Variants in DCAF5 observed in about 807,000 individuals in gnomAD.
DCAF5 encodes the protein DDB1- and CUL4-associated factor 5.
In DCAF5, 9 loss-of-function variants were observed where a neutral mutation model predicts 80.7. That is an observed-to-expected ratio of 0.11 (90% CI 0.07 to 0.19). The LOEUF (loss-of-function observed/expected upper bound fraction) is 0.19, where lower values mean the gene tolerates loss of function less well. Ranked by LOEUF, DCAF5 falls within the 10% of genes least tolerant of loss-of-function variation. The probability of loss-of-function intolerance (pLI) is 1.00; values close to 1 mark genes in which losing one functional copy is unlikely to be tolerated. For synonymous variants in DCAF5, 433 were observed against 461.9 expected (o/e 0.94, Z 0.80); for missense variants, 842 against 1,205.7 (o/e 0.70, Z 4.47).
chr14:69,105,944 T>TATATATATATATATATATATATATATA lies in DCAF5; in HGVS notation c.665+10421_665+10422insTATATATATATATATATATATATATAT, dbSNP rs35270301. 8.1e-3 allele frequency among the ~76,000 whole-genome samples: 686 copies of TATATATATATATATATATATATATATA among 85,042 alleles called. 124 individuals carry two copies. Among genetic ancestry groups the TATATATATATATATATATATATATATA allele is most frequent in the Non-Finnish European group, 0.016 (533 of 32,456 alleles). The allele number at this position is 85,042 out of a possible 152,430, so 55.8% of individuals were successfully genotyped here. The stretch of plus-strand genomic sequence containing the variant: ...ATATATATATATATATATATATATA[T>TATATATATATATATATATATATATATA]ATCTCCTATTGGTTCTGTTCCTCTG... On this transcript the variant is annotated intron_variant, in intron 5 of 8. Coordinates refer to ENST00000341516, the MANE Select transcript of DCAF5 (RefSeq NM_003861.3).
At chr14:69,069,203 T>C (rs923878860) in intron 7 of DCAF5, among the ~76,000 whole-genome samples, 1 of 152,174 alleles carries the variant, frequency 6.6e-6, no homozygotes, top group African/African-American at 2.4e-5. Context: ...AAAATGCATT[T>C]ACAGCTGTTT....
intron 5 of DCAF5, among the ~76,000 whole-genome samples, chr14:69,109,770 A>G (rs1476714073): frequency 6.6e-6 from 1 of 152,224 alleles, no homozygotes; most frequent in Non-Finnish European, 1.5e-5. Flanking sequence ...ATTATAAATA[A>G]AGCAGCTGTA....
Position 69,053,579 on chromosome 14 carries a change from G to A in DCAF5, c.*278C>T, listed in dbSNP as rs1024670863. On this transcript the variant is annotated 3_prime_UTR_variant, in exon 9 of 9. Coordinates refer to ENST00000341516, the MANE Select transcript of DCAF5 (RefSeq NM_003861.3). ...GTCTCAACAAAGATTTACTTCCACA[G>A]AGCCTTGCGCGGCACACTACGCTCA... The A allele has an allele frequency of 2.7e-6, 1 of 365,388 alleles. No homozygotes were observed. Among genetic ancestry groups the A allele is most frequent in the African/African-American group, 2.1e-5 (1 of 46,896 alleles). The allele number at this position is 365,388 out of a possible 1,614,324, so 22.6% of individuals were successfully genotyped here. A position where few individuals can be genotyped will look rare whatever the true frequency, so the allele number is the denominator to read the frequency against.
intron 1 of DCAF5, among the ~76,000 whole-genome samples, chr14:69,137,010 G>A (rs1173217264): frequency 6.6e-6 from 1 of 152,074 alleles, no homozygotes; most frequent in Non-Finnish European, 1.5e-5. Context: ...ATTAACAATG[G>A]TCATCCTGAA....
intron 1 of DCAF5, among the ~76,000 whole-genome samples, chr14:69,134,492 C>T (rs11626985): frequency 0.054 from 8,218 of 152,236 alleles, 323 homozygotes; most frequent in Non-Finnish European, 0.084. Flanking sequence ...GGCACATTTA[C>T]GACCTCCTTA....
intron 6 of DCAF5, among the ~76,000 whole-genome samples, chr14:69,076,961 G>C (rs1225629817): frequency 6.6e-6 from 1 of 152,138 alleles, no homozygotes; most frequent in African/African-American, 2.4e-5. Context: ...CATAAGCAGT[G>C]GTCTCTTATG....
intron 1 of DCAF5, among the ~76,000 whole-genome samples, chr14:69,137,408 C>T (rs554865572): frequency 3.3e-5 from 5 of 152,166 alleles, no homozygotes; most frequent in Non-Finnish European, 4.4e-5. Flanking sequence ...ATCACAAATA[C>T]GCTCCATCCA....
At chr14:69,085,232 C>T (rs2039271073) in intron 6 of DCAF5, 1 of 712,118 alleles carries the variant, frequency 1.4e-6, no homozygotes. Context: ...AAGGTGCCTC[C>T]CTTTGTTGAT....
chr14:69,085,225 G>A, intron 6 of DCAF5: 1 of 713,260 alleles, frequency 1.4e-6, no homozygotes, highest in Non-Finnish European at 2.6e-6. Context: ...TGGTTTCAAG[G>A]TGCCTCCCTT....
chr14:69,073,272 A>T (rs1257097424), intron 7 of DCAF5, among the ~76,000 whole-genome samples: 1 of 152,204 alleles, frequency 6.6e-6, no homozygotes, highest in Non-Finnish European at 1.5e-5. Flanking sequence ...AGGGGAAGGG[A>T]CACTAGGGAT....
chr14:69,115,067 C>T (rs1463500817), intron 5 of DCAF5, among the ~76,000 whole-genome samples: 4 of 152,136 alleles, frequency 2.6e-5, no homozygotes, highest in African/African-American at 7.2e-5. Flanking sequence ...TTTTGTAATA[C>T]GGATGAGGCA....
chr14:69,056,405 G>A (rs1374882676), intron 8 of DCAF5, among the ~76,000 whole-genome samples: 1 of 152,162 alleles, frequency 6.6e-6, no homozygotes, highest in African/African-American at 2.4e-5. Flanking sequence ...ATAGCTAAAA[G>A]GCAGCAGAGC....
intron 6 of DCAF5, 90 bp downstream of exon 6, chr14:69,091,584 A>G (rs914075040): frequency 2.8e-5 from 33 of 1,195,496 alleles, no homozygotes; most frequent in Non-Finnish European, 4.0e-5. Context: ...TCTACCTGAC[A>G]TAATGGTAAT....
chr14:69,112,600 C>T (rs2040410717), intron 5 of DCAF5, among the ~76,000 whole-genome samples: 1 of 143,616 alleles, frequency 7.0e-6, no homozygotes, highest in Admixed American at 6.9e-5. Flanking sequence ...TGTATACACA[C>T]ACACACACAC....
intron 1 of DCAF5, among the ~76,000 whole-genome samples, chr14:69,125,350 A>G (rs191107339): frequency 6.6e-6 from 1 of 152,370 alleles, no homozygotes; most frequent in East Asian, 1.9e-4. Flanking sequence ...GAAGGACCAG[A>G]ACAGGACTGC....
intron 5 of DCAF5, among the ~76,000 whole-genome samples, chr14:69,105,664 T>C (rs2040112056): frequency 6.6e-6 from 1 of 151,830 alleles, no homozygotes; most frequent in African/African-American, 2.4e-5. Flanking sequence ...ATGCTTTGCT[T>C]CCTCTCCTCC....
chr14:69,090,846 T>C (rs1328231467), intron 6 of DCAF5: 2 of 471,744 alleles, frequency 4.2e-6, no homozygotes, highest in Admixed American at 6.9e-5. Context: ...GTTTTTCTTT[T>C]TCCCAATCTA....
chr14:69,092,219 C>T (rs1267688515), intron 5 of DCAF5, among the ~76,000 whole-genome samples: 6 of 152,122 alleles, frequency 3.9e-5, no homozygotes, highest in African/African-American at 1.2e-4. Flanking sequence ...AAAGCATACT[C>T]GTCAAGACCC....
Position 69,153,080 on chromosome 14 carries a change from G to A in DCAF5, c.-102C>T. 2 of 969,610 alleles carry A rather than the reference G, an allele frequency of 2.1e-6. No homozygotes were observed. The highest frequency in any genetic ancestry group is 2.8e-6 in the Non-Finnish European group (2 of 706,906). 60.1% of individuals were successfully genotyped at this position (969,610 alleles called of 1,614,324 possible). On this transcript the variant is annotated 5_prime_UTR_variant, in exon 1 of 9. Transcript: ENST00000341516. The stretch of plus-strand genomic sequence containing the variant: ...GGCCCTCCCCCCGCGCTGCGATCCG[G>A]ATGGTTCTTTAACCAGCCATGGCAG...
Sources: allele counts gnomAD v4.1 joint callset (sites outside exome capture counted in the v4.1 genomes callset), GRCh38; gene constraint gnomAD v4.1.1; transcripts MANE v1.5; gene names NCBI Gene and HGNC (gene_info 2026-07-23, HGNC 2026-07-21).